Variants in ATXN2 observed in about 807,000 individuals in gnomAD.
ATXN2 encodes ataxin-2.
A neutral mutation model predicts 138.6 loss-of-function variants in ATXN2; 37 were observed. The ratio of observed to expected loss-of-function variants is 0.27; its 90% CI spans 0.21 to 0.35. The LOEUF is 0.35. Among genes scored for constraint, ATXN2 ranks in the 10% least tolerant of loss-of-function variants. The pLI, the probability that ATXN2 is intolerant of heterozygous loss-of-function variation, is 1.00. For missense variants in ATXN2, 1,216 were observed against 1,480.3 expected (o/e 0.82, Z 2.93); for synonymous variants, 549 against 543.7 (o/e 1.01, Z -0.13).
At chr12:111,501,686 G>A (rs1180398184) in intron 14 of ATXN2, among the ~76,000 whole-genome samples, 2 of 152,160 alleles carry the variant, frequency 1.3e-5, no homozygotes, top group Non-Finnish European at 2.9e-5. Flanking sequence ...TTTAAGTCAC[G>A]ATGTAGGAAC....
At chr12:111,527,567 T>A (rs1328424596) in intron 5 of ATXN2, among the ~76,000 whole-genome samples, 1 of 152,156 alleles carries the variant, frequency 6.6e-6, no homozygotes, top group Non-Finnish European at 1.5e-5. Context: ...TACCTGTACA[T>A]CAGGGAATAA....
intron 1 of ATXN2, among the ~76,000 whole-genome samples, chr12:111,581,151 A>T (rs1013269063): frequency 1.3e-5 from 2 of 151,950 alleles, no homozygotes; most frequent in African/African-American, 4.8e-5. Context: ...AAAAAAAAAA[A>T]AAAGAAATGT....
chr12:111,513,188 A>G, intron 11 of ATXN2, 169 bp downstream of exon 11: 4 of 694,966 alleles, frequency 5.8e-6, no homozygotes, highest in South Asian at 2.3e-5. Flanking sequence ...TATATGATGA[A>G]TAAGTGGTAG....
At chr12:111,491,106 A>T (rs1878000354) in intron 14 of ATXN2, among the ~76,000 whole-genome samples, 1 of 152,124 alleles carries the variant, frequency 6.6e-6, no homozygotes, top group Admixed American at 6.6e-5. Context: ...CAAAAAAATT[A>T]GCCAGAGGTG....
rs192246168 is a variant in ATXN2, at chr12:111,466,457, C to T, written c.2843-1742G>A. The stretch of plus-strand genomic sequence containing the variant: ...CGGAGCGTGCAGTGAGCTGAGATCA[C>T]GCCACTGCACTCCAGCCTGGGCGAC... On this transcript the variant is annotated intron_variant, in intron 20 of 24. Transcript: ENST00000673436. 4.5e-3 allele frequency among the ~76,000 whole-genome samples: 690 copies of T among 152,196 alleles called. 5 individuals carry two copies. Among genetic ancestry groups the T allele is most frequent in the African/African-American group, 0.016 (651 of 41,536 alleles).
intron 1 of ATXN2, among the ~76,000 whole-genome samples, chr12:111,578,932 G>A (rs113108451): frequency 3.9e-5 from 6 of 152,244 alleles, no homozygotes; most frequent in African/African-American, 1.2e-4. Flanking sequence ...GTCCCAGCCA[G>A]GAGGCTGAGG....
chr12:111,566,638 CTTT>C (rs908579279), intron 1 of ATXN2, among the ~76,000 whole-genome samples: 3 of 136,196 alleles, frequency 2.2e-5, no homozygotes, highest in African/African-American at 2.7e-5. Flanking sequence ...AATTGCTTTT[CTTT>C]TTTTTTTTTT....
intron 21 of ATXN2, among the ~76,000 whole-genome samples, chr12:111,460,249 T>C (rs1264346622): frequency 1.3e-5 from 2 of 152,094 alleles, no homozygotes; most frequent in Non-Finnish European, 2.9e-5. Context: ...CTTTTTTGTA[T>C]TTTTAGTAGA....
intron 14 of ATXN2, among the ~76,000 whole-genome samples, chr12:111,502,338 G>A (rs1330688983): frequency 6.6e-6 from 1 of 152,082 alleles, no homozygotes; most frequent in African/African-American, 2.4e-5. Context: ...GGAATATATT[G>A]TTCTAATGCT....
chr12:111,582,769 C>T (rs981652311), intron 1 of ATXN2, among the ~76,000 whole-genome samples: 22 of 150,976 alleles, frequency 1.5e-4, no homozygotes, highest in Admixed American at 3.3e-4. Flanking sequence ...CCCGGGTTCA[C>T]GCCATTCTCC....
intron 1 of ATXN2, among the ~76,000 whole-genome samples, chr12:111,577,545 A>T (rs1370760780): frequency 1.3e-5 from 2 of 151,812 alleles, no homozygotes; most frequent in Non-Finnish European, 2.9e-5. Context: ...GATTACAGGC[A>T]TGAGCCACCG....
At chr12:111,513,907 GACT>G (rs966821802) in intron 10 of ATXN2, among the ~76,000 whole-genome samples, 11 of 151,690 alleles carry the variant, frequency 7.3e-5, no homozygotes, top group East Asian at 1.9e-4. Flanking sequence ...TAGAAATTAT[GACT>G]ACATGATAAA....
chr12:111,486,198 T>C, intron 16 of ATXN2, among the ~76,000 whole-genome samples: 1 of 152,204 alleles, frequency 6.6e-6, no homozygotes, highest in Non-Finnish European at 1.5e-5. Flanking sequence ...TTAGTATCTG[T>C]GGGGGATTGG....
Position 111,510,619 on chromosome 12 carries a change from G to A in ATXN2, c.1559-37C>T, listed in dbSNP as rs773514110. Reference sequence around the variant, plus strand: ...GGAAAATGTATTTATTACATTCTCAGTTCAAATGTTACTTCCTAAAAGAGG... The same window carrying A: ...GGAAAATGTATTTATTACATTCTCAATTCAAATGTTACTTCCTAAAAGAGG... On this transcript the variant is annotated intron_variant, in intron 11 of 24. Coordinates refer to ENST00000673436, the MANE Select transcript of ATXN2 (RefSeq NM_001372574.1). 7 of 1,531,980 alleles carry A rather than the reference G, an allele frequency of 4.6e-6. No homozygotes were observed. In the Admixed American group the frequency reaches 1.3e-4, roughly 28 times the overall value. The allele number at this position is 1,531,980 out of a possible 1,614,324, so 94.9% of individuals were successfully genotyped here.
intron 14 of ATXN2, among the ~76,000 whole-genome samples, chr12:111,501,844 T>C (rs906451955): frequency 3.3e-5 from 5 of 152,148 alleles, no homozygotes; most frequent in Non-Finnish European, 7.4e-5. Context: ...TTGGTGTTGC[T>C]TTTTCTTACA....
At chr12:111,571,550 TG>T (rs1292325877) in intron 1 of ATXN2, among the ~76,000 whole-genome samples, 1 of 152,168 alleles carries the variant, frequency 6.6e-6, no homozygotes, top group African/African-American at 2.4e-5. Context: ...CACTGGGCAC[TG>T]GACCTCCACA....
At chr12:111,460,604 T>C (rs549126681) in intron 21 of ATXN2, among the ~76,000 whole-genome samples, 1 of 152,194 alleles carries the variant, frequency 6.6e-6, no homozygotes, top group Admixed American at 6.5e-5. Flanking sequence ...ACTTTATTTA[T>C]TCAAGAAATT....
intron 14 of ATXN2, among the ~76,000 whole-genome samples, chr12:111,496,742 CAAT>C (rs1306020942): frequency 1.3e-5 from 2 of 151,588 alleles, no homozygotes; most frequent in Admixed American, 6.6e-5. Flanking sequence ...GTAAAAGCAA[CAAT>C]AAGAGGAATG....
intron 18 of ATXN2, among the ~76,000 whole-genome samples, chr12:111,481,953 C>T (rs769363403): frequency 1.6e-4 from 25 of 152,072 alleles, no homozygotes; most frequent in Non-Finnish European, 2.9e-4. Flanking sequence ...TGAGCCACTG[C>T]TCCCAGCCTC....
Sources: allele counts gnomAD v4.1 joint callset (sites outside exome capture counted in the v4.1 genomes callset), GRCh38; gene constraint gnomAD v4.1.1; transcripts MANE v1.5; gene names NCBI Gene and HGNC (gene_info 2026-07-23, HGNC 2026-07-21).